The following SASH1 variants were observed in gnomAD, a reference collection of about 807,000 sequenced individuals.
SASH1 encodes SAM and SH3 domain containing 1, also known as SAM and SH3 domain-containing protein 1.
Under a neutral mutation model 125.2 loss-of-function variants are expected in SASH1, and 44 were observed. The ratio of observed to expected loss-of-function variants is 0.35; its 90% CI spans 0.28 to 0.45. The LOEUF is 0.45. Among genes scored for constraint, SASH1 ranks in the 20% least tolerant of loss-of-function variants. SASH1 has a pLI of 1.00. For missense variants in SASH1, 1,426 were observed against 1,614.5 expected (o/e 0.88, Z 2.00); for synonymous variants, 639 against 649.1 (o/e 0.98, Z 0.24).
chr6:148,243,954 C>G, the SASH1 span, among the ~76,000 whole-genome samples: 1 of 152,158 alleles, frequency 6.6e-6, no homozygotes, highest in Non-Finnish European at 1.5e-5. Context: ...TTTGGAGTCT[C>G]TCCTCTGACA....
At chr6:148,492,686 T>C (rs1228380949) in intron 8 of SASH1, among the ~76,000 whole-genome samples, 1 of 152,080 alleles carries the variant, frequency 6.6e-6, no homozygotes, top group African/African-American at 2.4e-5. Context: ...CCAGATGTGG[T>C]GGTCTGTGCC....
At chr6:148,313,276 T>C (rs1780384968) in intron 1 of SASH1, among the ~76,000 whole-genome samples, 2 of 152,178 alleles carry the variant, frequency 1.3e-5, no homozygotes, top group Non-Finnish European at 2.9e-5. Flanking sequence ...TGTCTTAGTA[T>C]TCACCCGGAG....
chr6:148,238,399 T>A, the SASH1 span, among the ~76,000 whole-genome samples: 1 of 152,046 alleles, frequency 6.6e-6, no homozygotes, highest in Non-Finnish European at 1.5e-5. Context: ...AATTTTTGTA[T>A]TTTTAGTAGA....
chr6:148,471,369 T>C, intron 5 of SASH1, 48 bp from the exon 6 acceptor site: 1 of 1,204,212 alleles, frequency 8.3e-7, no homozygotes, highest in East Asian at 2.6e-5. Flanking sequence ...ATGAATTTAT[T>C]GCTTGTGCTT....
upstream of SASH1, among the ~76,000 whole-genome samples, chr6:148,268,038 G>C (rs1309668550): frequency 6.6e-6 from 1 of 152,076 alleles, no homozygotes; most frequent in Non-Finnish European, 1.5e-5. Flanking sequence ...TAAATAATAC[G>C]ACTTTTAGCT....
chr6:148,487,666 A>G lies in SASH1; in HGVS notation c.680A>G (p.Asp227Gly), dbSNP rs749597267. The G allele has an allele frequency of 6.2e-7, 1 of 1,613,688 alleles. No homozygotes were observed. Among genetic ancestry groups the G allele is most frequent in the Non-Finnish European group, 8.5e-7 (1 of 1,179,872 alleles). ...CAGTCGGCTGCCCTGGACCCTGCTG[A>G]CTGGCCAGATGGTTCTTACCCAACG... ...HRQSAALDPA[D>G]WPDGSYPTFD... Residue 227 changes from aspartate to glycine, a missense_variant, in exon 8 of 20, where the codon GAC becomes GGC. By Grantham distance (94) the Asp-to-Gly change is moderately conservative. Coordinates refer to ENST00000367467, the MANE Select transcript of SASH1 (RefSeq NM_015278.5).
chr6:148,329,728 G>A (rs9373555), intron 1 of SASH1, among the ~76,000 whole-genome samples: 40,091 of 152,034 alleles, frequency 0.26, 6,205 homozygotes, highest in Middle Eastern at 0.44. Flanking sequence ...CAACAACAGG[G>A]GCGAGTCCCT....
intron 2 of SASH1, among the ~76,000 whole-genome samples, chr6:148,421,471 T>G (rs1785102010): frequency 6.6e-6 from 1 of 152,094 alleles, no homozygotes; most frequent in Non-Finnish European, 1.5e-5. Flanking sequence ...GCCCAGCTAA[T>G]TTTTGTATTT....
intron 1 of SASH1, among the ~76,000 whole-genome samples, chr6:148,360,636 A>ACCG (rs1554242918): frequency 1.6e-5 from 2 of 127,896 alleles, no homozygotes; most frequent in East Asian, 4.7e-4. Context: ...GGCGTGAGCC[A>ACCG]CCCCCCCGCC....
rs534984939 is a variant in SASH1 at position 148,495,166 on chromosome 6, C to T, written c.729+7451C>T. ...TGGTATGTGCCGAAAGCCAGGGCAC[C>T]GGCAGAAGTTCCTTTTAAGTGGTTC... is the stretch of plus-strand genomic sequence containing the variant. On this transcript the variant is annotated intron_variant, in intron 8 of 19. Coordinates refer to ENST00000367467, the MANE Select transcript of SASH1 (RefSeq NM_015278.5). This position sits in a 1 kb window ranked among gnomAD's most constrained non-coding sequence, Gnocchi z 4.0. Among the ~76,000 whole-genome samples the T allele has an allele frequency of 2.4e-4, 36 of 152,270 alleles. No homozygotes were observed. Among genetic ancestry groups the T allele is most frequent in the Admixed American group, 2.1e-3 (32 of 15,290 alleles).
chr6:148,531,050 A>G (rs546667594), intron 12 of SASH1, among the ~76,000 whole-genome samples: 4 of 152,346 alleles, frequency 2.6e-5, no homozygotes, highest in African/African-American at 9.6e-5. Context: ...AAATAGAAAT[A>G]TAAGAATCTA....
chr6:148,259,519 A>G, the SASH1 span, among the ~76,000 whole-genome samples: 1 of 152,082 alleles, frequency 6.6e-6, no homozygotes, highest in Non-Finnish European at 1.5e-5. Context: ...TCGGTCCTTC[A>G]CCCATCCTGG....
At chr6:148,323,730 C>T (rs926321276) in intron 1 of SASH1, among the ~76,000 whole-genome samples, 2 of 152,068 alleles carry the variant, frequency 1.3e-5, no homozygotes, top group Admixed American at 6.5e-5. Flanking sequence ...CATCCATGCA[C>T]GTTGATACCA....
intron 16 of SASH1, 66 bp from the exon 17 acceptor site, chr6:148,540,377 C>G: frequency 8.0e-7 from 1 of 1,245,340 alleles, no homozygotes; most frequent in African/African-American, 1.5e-5. Flanking sequence ...AAGTCGAGAT[C>G]TGTTGACTCT....
At chr6:148,210,218 G>A in the SASH1 span, among the ~76,000 whole-genome samples, 1 of 152,172 alleles carries the variant, frequency 6.6e-6, no homozygotes, top group Non-Finnish European at 1.5e-5. Flanking sequence ...TAAAGGAACT[G>A]AGATTAATTG....
chr6:148,302,662 T>TATACAC (rs761918888), intron 1 of SASH1, among the ~76,000 whole-genome samples: 2 of 66,780 alleles, frequency 3.0e-5, no homozygotes, highest in Non-Finnish European at 6.1e-5. Context: ...TGTATATATA[T>TATACAC]ACACACACAC....
intron 19 of SASH1, among the ~76,000 whole-genome samples, chr6:148,546,751 C>T (rs208694): frequency 0.88 from 133,466 of 152,246 alleles, 58,789 homozygotes; most frequent in African/African-American, 0.97. Flanking sequence ...ACCATAAATA[C>T]ACACAATTTT....
intron 2 of SASH1, among the ~76,000 whole-genome samples, chr6:148,391,292 A>G (rs1167148354): frequency 1.3e-5 from 2 of 152,084 alleles, no homozygotes; most frequent in Admixed American, 6.5e-5. Flanking sequence ...TATTTTTAGT[A>G]GAGACGGGGT....
intron 1 of SASH1, among the ~76,000 whole-genome samples, chr6:148,277,797 AG>A (rs1779226760): frequency 6.6e-6 from 1 of 151,734 alleles, no homozygotes. Flanking sequence ...GCTCACTGCA[AG>A]CTCCGCCTCC....
Sources: allele counts gnomAD v4.1 joint callset (sites outside exome capture counted in the v4.1 genomes callset), GRCh38; gene constraint gnomAD v4.1.1; non-coding constraint Gnocchi (gnomAD v3.1); transcripts MANE v1.5; gene names NCBI Gene and HGNC (gene_info 2026-07-23, HGNC 2026-07-21).